CIT: variants seen among roughly 807,000 people sequenced by gnomAD.
CIT encodes citron Rho-interacting kinase.
A neutral mutation model predicts 272.7 loss-of-function variants in CIT; 79 were observed. That is an observed-to-expected ratio of 0.29 (90% CI 0.24 to 0.35). The LOEUF is 0.35. Among genes scored for constraint, CIT ranks in the 10% least tolerant of loss-of-function variants. CIT has a pLI of 1.00. For synonymous variants in CIT, 948 were observed against 995.6 expected (o/e 0.95, Z 0.90); for missense variants, 1,909 against 2,618.3 (o/e 0.73, Z 5.91).
chr12:119,794,047 T>C (rs1965529387), intron 10 of CIT, among the ~76,000 whole-genome samples: 1 of 152,180 alleles, frequency 6.6e-6, no homozygotes, highest in South Asian at 2.1e-4. Context: ...CAAATACTCA[T>C]GCTCAGCTCA....
At chr12:119,828,699 A>T (rs933025577) in intron 7 of CIT, among the ~76,000 whole-genome samples, 2 of 152,084 alleles carry the variant, frequency 1.3e-5, no homozygotes, top group African/African-American at 4.8e-5. Context: ...AATAGCTGGG[A>T]CTACAGGTGC....
At chr12:119,745,394 A>AC (rs1190831086) in intron 23 of CIT, among the ~76,000 whole-genome samples, 4 of 146,044 alleles carry the variant, frequency 2.7e-5, no homozygotes, top group Admixed American at 6.9e-5. Context: ...AAAAAAAAAA[A>AC]AAAACACCTG....
At chr12:119,754,080 C>T (rs944570132) in intron 22 of CIT, among the ~76,000 whole-genome samples, 6 of 152,192 alleles carry the variant, frequency 3.9e-5, no homozygotes, top group African/African-American at 1.4e-4. Flanking sequence ...GACGATGTCA[C>T]AGCAGCAAAT....
At chr12:119,688,829 C>T (rs191158921) in intron 47 of CIT, among the ~76,000 whole-genome samples, 13 of 152,344 alleles carry the variant, frequency 8.5e-5, no homozygotes, top group Admixed American at 2.6e-4. Context: ...CCACTGTGAA[C>T]ACTTTCTGTG....
chr12:119,741,554 A>T (rs952919169), intron 24 of CIT, among the ~76,000 whole-genome samples: 1 of 152,254 alleles, frequency 6.6e-6, no homozygotes, highest in Non-Finnish European at 1.5e-5. Flanking sequence ...TTTCATTTAC[A>T]GTAGCTAAAG....
At position 119,710,397 on chromosome 12, in the gene CIT, AG is replaced by A; in HGVS notation, c.4936-12del. The stretch of plus-strand genomic sequence containing the variant: ...GCCCACCAACACCACCTGCAAGGGC[AG>A]AAGTCCGAAGGCAGAACATAAGCAC... On this transcript the variant is annotated splice_polypyrimidine_tract_variant and intron_variant, in intron 38 of 47. Coordinates refer to ENST00000392521, the MANE Select transcript of CIT (RefSeq NM_001206999.2). The surrounding 1 kb of genome is among the most constrained non-coding windows in gnomAD (Gnocchi z 5.6). 1 of 1,614,102 alleles carries A rather than the reference AG, an allele frequency of 6.2e-7. No individual in the cohort carries two copies. The highest frequency in any genetic ancestry group is 8.5e-7 in the Non-Finnish European group (1 of 1,179,988).
Position 119,728,478 on chromosome 12 carries a change from T to C in CIT, c.3591+24A>G. 6.7e-7 allele frequency: 1 copy of C among 1,489,972 alleles called. No homozygotes were observed. The highest frequency in any genetic ancestry group is 2.3e-5 in the East Asian group (1 of 44,180). The allele number at this position is 1,489,972 out of a possible 1,614,324, so 92.3% of individuals were successfully genotyped here. ...AAGAAAAAAAAAATCCACTTGGCCC[T>C]TCTCCCAGGTATTTCACACTCACCT... On this transcript the variant is annotated intron_variant, in intron 28 of 47. Coordinates refer to ENST00000392521, the MANE Select transcript of CIT (RefSeq NM_001206999.2). The surrounding 1 kb of genome is among the most constrained non-coding windows in gnomAD (Gnocchi z 4.3).
chr12:119,699,256 CAA>C (rs1181095399), intron 44 of CIT, among the ~76,000 whole-genome samples: 3,586 of 51,298 alleles, frequency 0.07, 106 homozygotes, highest in African/African-American at 0.18. Context: ...AAATCCGACT[CAA>C]AAAAAAAAAA....
intron 10 of CIT, among the ~76,000 whole-genome samples, chr12:119,801,916 C>A (rs1401964517): frequency 6.6e-6 from 1 of 152,162 alleles, no homozygotes; most frequent in African/African-American, 2.4e-5. Flanking sequence ...TCAAGAAAGA[C>A]CACTTCAACA....
At chr12:119,709,829 T>C (rs1957073073) in intron 39 of CIT, among the ~76,000 whole-genome samples, 1 of 122,694 alleles carries the variant, frequency 8.2e-6, no homozygotes, top group South Asian at 2.6e-4. Context: ...TGTGTGTGTG[T>C]GTGTGTGTTA....
At chr12:119,764,331 T>G (rs1052767131) in intron 19 of CIT, among the ~76,000 whole-genome samples, 1 of 152,150 alleles carries the variant, frequency 6.6e-6, no homozygotes, top group African/African-American at 2.4e-5. Context: ...AAAGAAAAGT[T>G]AGGCTTGAAA....
At chr12:119,742,146 TTCCACTAA>T (rs757247419) in intron 24 of CIT, among the ~76,000 whole-genome samples, 399 of 152,298 alleles carry the variant, frequency 2.6e-3, no homozygotes, top group Non-Finnish European at 4.9e-3. Flanking sequence ...CTATTAGTTG[TTCCACTAA>T]TAGAATTATT....
rs3999547 is a variant in CIT at position 119,726,385 on chromosome 12, A to ATTTTT, written c.3591+2112_3591+2116dup. On this transcript the variant is annotated intron_variant, in intron 28 of 47. Coordinates refer to ENST00000392521, the MANE Select transcript of CIT (RefSeq NM_001206999.2). ...AACTGCACACCACCACACTTGGCTA[A>ATTTTT]TTTTTTTTTTTTTTTTTTTTTTTTT... Among the ~76,000 whole-genome samples, 624 of 101,448 alleles carry ATTTTT rather than the reference A, an allele frequency of 6.2e-3. 164 individuals are homozygous for ATTTTT. The highest frequency in any genetic ancestry group is 0.011 in the East Asian group (38 of 3,582). The allele number at this position is 101,448 out of a possible 152,430, so 66.6% of individuals were successfully genotyped here. A position where few individuals can be genotyped will look rare whatever the true frequency, so the allele number is the denominator to read the frequency against.
chr12:119,705,597 A>G (rs1956828425), intron 40 of CIT, among the ~76,000 whole-genome samples: 1 of 151,994 alleles, frequency 6.6e-6, no homozygotes, highest in African/African-American at 2.4e-5. Flanking sequence ...AATGAAAATA[A>G]TTTCTAATTT....
rs1435401619 is a variant in CIT at position 119,691,540 on chromosome 12, TAG to T, written c.5883-1088_5883-1087del. 4.6e-5 allele frequency among the ~76,000 whole-genome samples: 7 copies of T among 152,128 alleles called. 1 individual carries two copies. Among genetic ancestry groups the T allele is most frequent in the African/African-American group, 1.7e-4 (7 of 41,518 alleles). ...CGAGAGGTGTAGGGATCAGGCCTGATAGAGTCAGGAAACTGAGCAGGGCAGAC... is the reference window on the plus strand; with the variant it reads ...CGAGAGGTGTAGGGATCAGGCCTGATAGTCAGGAAACTGAGCAGGGCAGAC... On this transcript the variant is annotated intron_variant, in intron 46 of 47. Coordinates refer to ENST00000392521, the MANE Select transcript of CIT (RefSeq NM_001206999.2).
intron 40 of CIT, 114 bp downstream of exon 40, chr12:119,708,065 G>C: frequency 8.4e-7 from 1 of 1,193,552 alleles, no homozygotes; most frequent in Admixed American, 2.9e-5. Flanking sequence ...GCCCCTCTCT[G>C]TTTGTTATTT....
chr12:119,794,160 A>T (rs1965536824), intron 10 of CIT, among the ~76,000 whole-genome samples: 1 of 152,082 alleles, frequency 6.6e-6, no homozygotes, highest in South Asian at 2.1e-4. Flanking sequence ...TGTGCACAGT[A>T]GTTATTTCTC....
At position 119,751,937 on chromosome 12, in the gene CIT, T is replaced by C. The variant is rs189959559; in HGVS notation, c.2904+113A>G. The C allele has an allele frequency of 9.6e-6, 9 of 938,554 alleles. No homozygotes were observed. The South Asian group carries it at 1.5e-4, about 16-fold the overall frequency. The allele number at this position is 938,554 out of a possible 1,614,324, so 58.1% of individuals were successfully genotyped here. ...CCTGGCCACTGAATATCTTTGTGGA[T>C]CATGTTTTCCCTCCTGGAATTTCTA... On this transcript the variant is annotated intron_variant, in intron 23 of 47. Coordinates refer to ENST00000392521, the MANE Select transcript of CIT (RefSeq NM_001206999.2).
intron 27 of CIT, among the ~76,000 whole-genome samples, chr12:119,729,603 C>T (rs564072240): frequency 5.9e-4 from 90 of 152,186 alleles, no homozygotes; most frequent in Middle Eastern, 6.8e-3. Flanking sequence ...AAAATACATA[C>T]GTATGTCTAT....
Sources: gnomAD v4.1 joint callset for allele counts (sites outside exome capture counted in the v4.1 genomes callset) on GRCh38, gnomAD v4.1.1 for gene constraint, Gnocchi (gnomAD v3.1) non-coding constraint, MANE v1.5 for transcripts, NCBI Gene and HGNC (gene_info 2026-07-23, HGNC 2026-07-21) for gene names.